The following SLC1A3 variants were observed in gnomAD, a reference collection of about 807,000 sequenced individuals.
SLC1A3 encodes the protein solute carrier family 1 member 3, also known as excitatory amino acid transporter 1.
SLC1A3 carries 21 observed loss-of-function variants against 48.1 expected under a neutral mutation model. That is an observed-to-expected ratio of 0.44 (90% CI 0.31 to 0.63). The LOEUF is 0.63. SLC1A3 is among the 20% of genes least tolerant of loss of function. SLC1A3 has a pLI of 0.08. For synonymous variants in SLC1A3, 239 were observed against 251.4 expected (o/e 0.95, Z 0.47); for missense variants, 546 against 689.0 (o/e 0.79, Z 2.32).
intron 6 of SLC1A3, among the ~76,000 whole-genome samples, chr5:36,677,856 A>C (rs1272794965): frequency 9.2e-5 from 14 of 152,230 alleles, no homozygotes; most frequent in Non-Finnish European, 1.5e-5. Flanking sequence ...AGGGCTCCTC[A>C]TCTGTTTCAG....
At chr5:36,675,660 G>C (rs1293931953) in intron 5 of SLC1A3, among the ~76,000 whole-genome samples, 1 of 152,182 alleles carries the variant, frequency 6.6e-6, no homozygotes, top group Non-Finnish European at 1.5e-5. Context: ...TCCATAAAAT[G>C]CATAAGGACC....
intron 2 of SLC1A3, 55 bp downstream of exon 2, chr5:36,608,659 T>C: frequency 6.2e-7 from 1 of 1,605,374 alleles, no homozygotes; most frequent in Non-Finnish European, 8.5e-7. Context: ...CTGGGGCATC[T>C]GGCTGCCCGG....
chr5:36,663,991 A>G (rs1178414829), intron 3 of SLC1A3, among the ~76,000 whole-genome samples: 2 of 152,224 alleles, frequency 1.3e-5, no homozygotes, highest in Non-Finnish European at 2.9e-5. Flanking sequence ...AAATGACCCA[A>G]TACCCAAGGT....
chr5:36,641,637 T>C (rs1347781644), intron 3 of SLC1A3, among the ~76,000 whole-genome samples: 1 of 152,240 alleles, frequency 6.6e-6, no homozygotes, highest in Non-Finnish European at 1.5e-5. Flanking sequence ...CAATTTAGAA[T>C]AGAATTTGGT....
chr5:36,630,225 A>G (rs1275474240), intron 3 of SLC1A3, among the ~76,000 whole-genome samples: 2 of 152,136 alleles, frequency 1.3e-5, no homozygotes, highest in African/African-American at 4.8e-5. Context: ...GGACACTTGG[A>G]TTTTTAACAA....
intron 2 of SLC1A3, 84 bp from the exon 3 acceptor site, chr5:36,629,366 T>G: frequency 8.3e-7 from 1 of 1,203,062 alleles, no homozygotes; most frequent in Non-Finnish European, 1.2e-6. Context: ...ACCAGCCAAA[T>G]ACTTACTCAT....
intron 2 of SLC1A3, among the ~76,000 whole-genome samples, chr5:36,617,411 C>A (rs1250209173): frequency 9.3e-6 from 1 of 106,976 alleles, no homozygotes; most frequent in African/African-American, 3.5e-5. Flanking sequence ...GAAAAGGTTG[C>A]GGGCTTTTTT....
chr5:36,668,754 G>C (rs2111918226), intron 3 of SLC1A3: 1 of 152,230 alleles, frequency 6.6e-6, no homozygotes, highest in Admixed American at 6.5e-5. Context: ...TTTCATATTG[G>C]TTTTTACTTT....
chr5:36,632,583 G>A (rs966468754), intron 3 of SLC1A3, among the ~76,000 whole-genome samples: 2 of 152,172 alleles, frequency 1.3e-5, no homozygotes, highest in Non-Finnish European at 2.9e-5. Context: ...AGAACTCAGA[G>A]GTCATGCTCC....
chr5:36,606,236 GCA>G (rs1390371210), upstream of SLC1A3: 2 of 152,236 alleles, frequency 1.3e-5, no homozygotes, highest in Non-Finnish European at 2.9e-5. Flanking sequence ...AGGCTAAAGA[GCA>G]CACCCTCGTC....
chr5:36,604,506 A>G (rs145323617), upstream of SLC1A3, among the ~76,000 whole-genome samples: 227 of 152,362 alleles, frequency 1.5e-3, no homozygotes, highest in Middle Eastern at 3.4e-3. Flanking sequence ...GTTTCCCTCC[A>G]GACTAAAATT....
chr5:36,628,225 T>A (rs1739990036), intron 2 of SLC1A3, among the ~76,000 whole-genome samples: 1 of 152,198 alleles, frequency 6.6e-6, no homozygotes, highest in East Asian at 1.9e-4. Flanking sequence ...TATCACAGTT[T>A]AGAGACAAAG....
At chr5:36,599,268 G>C (rs923486795) in intron 1 of SLC1A3, among the ~76,000 whole-genome samples, 1 of 152,296 alleles carries the variant, frequency 6.6e-6, no homozygotes, top group Admixed American at 6.5e-5. Flanking sequence ...AAATGGTTAG[G>C]ACTGGGAGTG....
intron 8 of SLC1A3, among the ~76,000 whole-genome samples, chr5:36,682,332 A>T (rs1742471117): frequency 6.6e-6 from 1 of 152,218 alleles, no homozygotes; most frequent in African/African-American, 2.4e-5. Flanking sequence ...GTAGAAAATG[A>T]TAATAGTTGT....
Position 36,676,981 on chromosome 5 carries a change from G to C in SLC1A3, c.657G>C (p.Glu219Asp), listed in dbSNP as rs2032892. The C allele has an allele frequency of 0.012, 19,855 of 1,614,030 alleles. 474 individuals are homozygous for C. Among genetic ancestry groups the C allele is most frequent in the Admixed American group, 0.098 (5,868 of 60,006 alleles). Reference protein sequence around the residue: ...LVGAVINNVSEAMETLTRITE... With the variant: ...LVGAVINNVSDAMETLTRITE... ...GTGCTGTGATAAACAATGTGTCTGA[G>C]GCCATGGAGACTCTTACCCGAATCA... The change falls in exon 6 of 10, where the codon GAG (glutamate) becomes GAC (aspartate). Residue 219 changes from glutamate (E) to aspartate (D), a missense_variant. Transcript: ENST00000265113.
intron 2 of SLC1A3, among the ~76,000 whole-genome samples, chr5:36,617,143 G>GT (rs1739468224): frequency 6.6e-6 from 1 of 152,076 alleles, no homozygotes; most frequent in African/African-American, 2.4e-5. Flanking sequence ...TGAGTTCAAA[G>GT]TTTTTTCAGA....
intron 2 of SLC1A3, chr5:36,612,715 G>C: frequency 4.5e-6 from 2 of 446,412 alleles, no homozygotes; most frequent in South Asian, 3.2e-5. Context: ...AACCCAGAGA[G>C]GGAGGTAATT....
intron 2 of SLC1A3, among the ~76,000 whole-genome samples, chr5:36,616,088 C>T (rs1285331961): frequency 1.3e-5 from 2 of 152,000 alleles, no homozygotes; most frequent in Non-Finnish European, 2.9e-5. Flanking sequence ...CCCAGCTACT[C>T]GGGAGGCTGA....
Position 36,645,319 on chromosome 5 carries a change from C to CTTTTTTTTTTTTTTTTTTTT in SLC1A3, c.319+15742_319+15761dup, listed in dbSNP as rs68027582. Among the ~76,000 whole-genome samples, 6 of 84,272 alleles carry CTTTTTTTTTTTTTTTTTTTT rather than the reference C, an allele frequency of 7.1e-5. 3 individuals carry two copies. The highest frequency in any genetic ancestry group is 4.7e-5 in the Non-Finnish European group (2 of 42,786). 55.3% of individuals were successfully genotyped at this position (84,272 alleles called of 152,430 possible). ...ATCTTTGAGGACTGACTTCCGCTGC[C>CTTTTTTTTTTTTTTTTTTTT]TTTTTTTTTTTTTTTTTTTTTTTTT... On this transcript the variant is annotated intron_variant, in intron 3 of 9. Transcript: ENST00000265113.
Sources: gnomAD v4.1 joint callset for allele counts (sites outside exome capture counted in the v4.1 genomes callset) on GRCh38, gnomAD v4.1.1 for gene constraint, MANE v1.5 for transcripts, NCBI Gene and HGNC (gene_info 2026-07-23, HGNC 2026-07-21) for gene names.